Variants in CLRN1 observed in about 807,000 individuals in gnomAD.
CLRN1 encodes clarin-1.
In CLRN1, 15 loss-of-function variants were observed where a neutral mutation model predicts 18.7. That is an observed-to-expected ratio of 0.80 (90% CI 0.54 to 1.23). The LOEUF (loss-of-function observed/expected upper bound fraction) is 1.23, where lower values mean the gene tolerates loss of function less well. CLRN1 is among the 50% of genes most tolerant of loss of function. The pLI is 0.00. For missense variants in CLRN1, 311 were observed against 277.5 expected (o/e 1.12, Z -0.86); for synonymous variants, 104 against 102.9 (o/e 1.01, Z -0.07).
upstream of CLRN1, chr3:150,972,767 G>GA: frequency 6.2e-7 from 1 of 1,612,094 alleles, no homozygotes; most frequent in Non-Finnish European, 8.5e-7. Flanking sequence ...TGAGCAATGG[G>GA]AAGGGACTGC....
chr3:150,957,238 TACACACACACACAC>T (rs34726423), intron 1 of CLRN1, among the ~76,000 whole-genome samples: 6 of 147,068 alleles, frequency 4.1e-5, no homozygotes, highest in Admixed American at 1.4e-4. Context: ...TCCCATTTTA[TACACACACACACAC>T]ACACACACAC....
chr3:150,937,901 A>G (rs1713588289), intron 2 of CLRN1, among the ~76,000 whole-genome samples: 1 of 152,116 alleles, frequency 6.6e-6, no homozygotes, highest in Non-Finnish European at 1.5e-5. Flanking sequence ...ATCGGGAGAC[A>G]TAAGGAGATG....
At chr3:150,945,035 G>A (rs1445801913) in intron 1 of CLRN1, among the ~76,000 whole-genome samples, 1 of 152,198 alleles carries the variant, frequency 6.6e-6, no homozygotes, top group African/African-American at 2.4e-5. Flanking sequence ...AGGTGCCTAG[G>A]GTGGAAAAGG....
intron 1 of CLRN1, among the ~76,000 whole-genome samples, chr3:150,945,035 G>C (rs1445801913): frequency 6.6e-6 from 1 of 152,198 alleles, no homozygotes; most frequent in African/African-American, 2.4e-5. Context: ...AGGTGCCTAG[G>C]GTGGAAAAGG....
intron 1 of CLRN1, among the ~76,000 whole-genome samples, chr3:150,957,064 A>G (rs562743682): frequency 6.6e-6 from 1 of 152,188 alleles, no homozygotes; most frequent in South Asian, 2.1e-4. Context: ...AGTGAAAGAA[A>G]TGTTTTCTCC....
chr3:150,955,815 C>T (rs371206966), intron 1 of CLRN1, among the ~76,000 whole-genome samples: 11 of 152,296 alleles, frequency 7.2e-5, no homozygotes, highest in African/African-American at 2.6e-4. Flanking sequence ...CAAAGCCCAA[C>T]TGTCTATGGG....
chr3:150,934,714 T>C (rs1212857407), intron 2 of CLRN1, among the ~76,000 whole-genome samples: 1 of 152,128 alleles, frequency 6.6e-6, no homozygotes, highest in Non-Finnish European at 1.5e-5. Context: ...CCCACTCAAA[T>C]ATCACTGCCG....
At chr3:150,969,848 C>T (rs541876502) in intron 1 of CLRN1, among the ~76,000 whole-genome samples, 180 of 152,034 alleles carry the variant, frequency 1.2e-3, no homozygotes, top group African/African-American at 4.0e-3. Flanking sequence ...TGGTGGTGCA[C>T]GCCTGTAGTC....
intron 1 of CLRN1, among the ~76,000 whole-genome samples, chr3:150,969,311 ATATTTTTTT>A (rs1715417669): frequency 1.7e-5 from 1 of 59,862 alleles, no homozygotes; most frequent in African/African-American, 7.4e-5. Flanking sequence ...ATATATATAT[ATATTTTTTT>A]TTTTTTTTTT....
chr3:150,934,552 C>A (rs1441377274), intron 2 of CLRN1, among the ~76,000 whole-genome samples: 2 of 152,158 alleles, frequency 1.3e-5, no homozygotes, highest in Admixed American at 1.3e-4. Context: ...CCTTTCATGT[C>A]ATTCTCAGAG....
In CLRN1 at chr3:150,972,465, G is replaced by T. The variant is rs1013290166; in HGVS notation, c.244C>A (p.Arg82=). 2.5e-6 allele frequency: 4 copies of T among 1,614,068 alleles called. No homozygotes were observed. Among genetic ancestry groups the T allele is most frequent in the Non-Finnish European group, 3.4e-6 (4 of 1,180,020 alleles). ...RQCGLGARPF[R]FSFFPDLLKA... Reference sequence around the variant, plus strand: ...TGCAATTGCTACTTACATGAGAACCGAAAGGGCCTTGCTCCCAACCCACAC... The same window carrying T: ...TGCAATTGCTACTTACATGAGAACCTAAAGGGCCTTGCTCCCAACCCACAC... Residue 82 remains arginine (R), a synonymous_variant, in exon 1 of 3, where the codon CGG becomes AGG. Transcript: ENST00000327047.
chr3:150,948,880 A>G (rs574909219), intron 1 of CLRN1, among the ~76,000 whole-genome samples: 74 of 152,304 alleles, frequency 4.9e-4, no homozygotes, highest in African/African-American at 1.8e-3. Flanking sequence ...TCATTCTGAT[A>G]CCAAAACCTG....
At chr3:150,928,578 T>A (rs1712960840) in intron 2 of CLRN1, among the ~76,000 whole-genome samples, 1 of 152,256 alleles carries the variant, frequency 6.6e-6, no homozygotes, top group Admixed American at 6.5e-5. Context: ...GCCACTGCTA[T>A]GATGTGGCTT....
At position 150,972,630 on chromosome 3, in the gene CLRN1, C is replaced by T; in HGVS notation, c.79G>A (p.Ala27Thr). The stretch of plus-strand genomic sequence containing the variant: ...TTGATCCACAACGGTGTCCCCAAGG[C>T]TGTCACAACTCCGAGGGCACATGCA... ...SFACALGVVT[A>T]LGTPLWIKAT... is the part of the protein sequence containing the mutation. Residue 27 changes from alanine to threonine, a missense_variant, in exon 1 of 3, where the codon GCC becomes ACC. Physicochemically the swap from Ala to Thr is moderately conservative, Grantham distance 58. Coordinates refer to ENST00000327047, the MANE Select transcript of CLRN1 (RefSeq NM_174878.3). 6.2e-7 allele frequency: 1 copy of T among 1,614,246 alleles called. No individual in the cohort carries two copies. The highest frequency in any genetic ancestry group is 8.5e-7 in the Non-Finnish European group (1 of 1,180,050).
At chr3:150,946,700 ATTTCTT>A (rs1714190153) in intron 1 of CLRN1, among the ~76,000 whole-genome samples, 1 of 125,028 alleles carries the variant, frequency 8.0e-6, no homozygotes. Flanking sequence ...TGAACAGACC[ATTTCTT>A]TTTTTTTTTT....
chr3:150,943,703 C>T, intron 1 of CLRN1: 1 of 1,556,302 alleles, frequency 6.4e-7, no homozygotes, highest in South Asian at 1.1e-5. Flanking sequence ...GGCAGCCACC[C>T]TACATGATGA....
chr3:150,942,721 G>A, intron 1 of CLRN1: 2 of 341,524 alleles, frequency 5.9e-6, no homozygotes, highest in South Asian at 4.3e-5. Context: ...CACAATCAAT[G>A]CTTTTCCCCC....
intron 1 of CLRN1, chr3:150,943,671 C>A (rs1713988193): frequency 1.6e-6 from 2 of 1,269,780 alleles, no homozygotes; most frequent in Non-Finnish European, 1.1e-6. Context: ...GTCACCCTGG[C>A]CCTTTGCCCT....
rs760546015 is a variant in CLRN1, at chr3:150,927,166, C to T, written c.*770G>A. ...CGTGAATGTAATTGGGACTCAGGCA[C>T]GGGAGGAAAAATACCCTAAGCTTGG... On this transcript the variant is annotated 3_prime_UTR_variant, in exon 3 of 3. Transcript: ENST00000327047. 2.2e-5 allele frequency: 14 copies of T among 627,536 alleles called. No individual in the cohort carries two copies. The highest frequency in any genetic ancestry group is 4.3e-4 in the Middle Eastern group (1 of 2,346). 38.9% of individuals were successfully genotyped at this position (627,536 alleles called of 1,614,324 possible). A position where few individuals can be genotyped will look rare whatever the true frequency, so the allele number is the denominator to read the frequency against.
Sources: allele counts gnomAD v4.1 joint callset (sites outside exome capture counted in the v4.1 genomes callset), GRCh38; gene constraint gnomAD v4.1.1; transcripts MANE v1.5; gene names NCBI Gene and HGNC (gene_info 2026-07-23, HGNC 2026-07-21).